Variants in LINGO2 observed in about 807,000 individuals in gnomAD.
The protein encoded by LINGO2 is leucine rich repeat and Ig domain containing 2, also known as leucine-rich repeat and immunoglobulin-like domain-containing nogo receptor-interacting protein 2.
In LINGO2, 14 loss-of-function variants were observed where a neutral mutation model predicts 30.6. The ratio of observed to expected loss-of-function variants is 0.46; its 90% confidence interval spans 0.30 to 0.72. The LOEUF (loss-of-function observed/expected upper bound fraction) is 0.72. Among genes scored for constraint, LINGO2 ranks in the 30% least tolerant of loss-of-function variants. The pLI is 0.07. For synonymous variants in LINGO2, 317 were observed against 288.5 expected, an observed-to-expected ratio of 1.10 and a Z score of -1.00; for missense variants, 729 against 751.7, an observed-to-expected ratio of 0.97 and a Z score of 0.35.
At chr9:28,910,025 ATTAACT>A in the LINGO2 span, among the ~76,000 whole-genome samples, 1 of 152,062 alleles carries the variant, frequency 6.6e-6, no homozygotes, top group East Asian at 1.9e-4. Flanking sequence ...AAAGCCAAAA[ATTAACT>A]TTAACAAGGC....
rs1827317656 is a variant in LINGO2, at chr9:28,129,178, T to C, written c.-86-116773A>G. Among the ~76,000 whole-genome samples the C allele has an allele frequency of 6.6e-6, 1 of 152,178 alleles. No individual in the cohort carries two copies. Among genetic ancestry groups the C allele is most frequent in the Non-Finnish European group, 1.5e-5 (1 of 68,032 alleles). On this transcript the variant is annotated intron_variant, in intron 4 of 5. Transcript: ENST00000379992. This position sits in a 1 kb window ranked among gnomAD's most constrained non-coding sequence, Gnocchi z 4.0. ...TGAGGCTTTGGGACTCGGGCTGATCTACCACTGGCTTCCTTGCTCCTCAGC... is the reference window on the plus strand; with the variant it reads ...TGAGGCTTTGGGACTCGGGCTGATCCACCACTGGCTTCCTTGCTCCTCAGC...
chr9:29,078,089 A>T, the LINGO2 span, among the ~76,000 whole-genome samples: 166 of 152,136 alleles, frequency 1.1e-3, no homozygotes, highest in African/African-American at 3.9e-3. Context: ...TTAACTGATG[A>T]TTATTAACAT....
At chr9:29,087,300 T>C in the LINGO2 span, among the ~76,000 whole-genome samples, 2 of 152,204 alleles carry the variant, frequency 1.3e-5, no homozygotes, top group South Asian at 4.1e-4. Context: ...GATGCTTATC[T>C]TGAAGGGTTA....
chr9:28,193,642 C>T (rs908459951), intron 4 of LINGO2, among the ~76,000 whole-genome samples: 2 of 152,172 alleles, frequency 1.3e-5, no homozygotes, highest in African/African-American at 4.8e-5. Context: ...TTTTGTTCTA[C>T]TTAGCGATTG....
intron 4 of LINGO2, among the ~76,000 whole-genome samples, chr9:28,241,118 C>T (rs933682490): frequency 6.6e-6 from 1 of 151,158 alleles, no homozygotes; most frequent in Admixed American, 6.6e-5. Flanking sequence ...AAAATACAAA[C>T]ATTAGCTGGG....
At chr9:28,702,502 A>T in the LINGO2 span, among the ~76,000 whole-genome samples, 1 of 151,868 alleles carries the variant, frequency 6.6e-6, no homozygotes, top group East Asian at 1.9e-4. Flanking sequence ...GTTCTGTTGT[A>T]TAATTCTTTT....
chr9:28,439,499 G>C (rs1206095115), intron 2 of LINGO2, among the ~76,000 whole-genome samples: 2 of 152,104 alleles, frequency 1.3e-5, no homozygotes, highest in Non-Finnish European at 2.9e-5. Context: ...TGTTGGAGGA[G>C]GGGGCTTGGT....
chr9:28,029,708 T>A (rs960288805), intron 4 of LINGO2, among the ~76,000 whole-genome samples: 4 of 152,242 alleles, frequency 2.6e-5, no homozygotes, highest in African/African-American at 9.6e-5. Flanking sequence ...TATGTGAAAA[T>A]TGTTAGCTCT....
At chr9:28,124,018 CTT>C (rs1008938901) in intron 4 of LINGO2, among the ~76,000 whole-genome samples, 67 of 152,200 alleles carry the variant, frequency 4.4e-4, no homozygotes, top group Admixed American at 3.3e-4. Context: ...TATCCTAGGA[CTT>C]TTTTCAGCCT....
chr9:28,488,746 G>T (rs117255648), intron 1 of LINGO2, among the ~76,000 whole-genome samples: 3,256 of 152,188 alleles, frequency 0.021, 104 homozygotes, highest in East Asian at 0.1. Context: ...TTCAATGAAA[G>T]ATTTTTCTAG....
chr9:29,174,531 A>G, the LINGO2 span, among the ~76,000 whole-genome samples: 147 of 152,358 alleles, frequency 9.6e-4, 4 homozygotes, highest in East Asian at 0.021. Flanking sequence ...AGAAATTTCA[A>G]TTGAAGACTT....
the LINGO2 span, among the ~76,000 whole-genome samples, chr9:29,113,836 G>C: frequency 4.3e-4 from 65 of 152,254 alleles, no homozygotes; most frequent in Admixed American, 1.2e-3. Context: ...AACTGGTCAA[G>C]AGCGAGGTGA....
rs548291945 is a variant in LINGO2, at chr9:28,507,878, A to C, written c.-364-31853T>G. 2.6e-5 allele frequency among the ~76,000 whole-genome samples: 4 copies of C among 152,160 alleles called. No individual in the cohort carries two copies. In the East Asian group the frequency reaches 7.7e-4, roughly 29 times the overall value. ...TAAGTAGGTTTTGATTTTTTTTCTA[A>C]AAATTTCACTTAGGTATTATATTTT... is the stretch of plus-strand genomic sequence containing the variant. On this transcript the variant is annotated intron_variant, in intron 1 of 5. Transcript: ENST00000379992.
At chr9:28,947,163 A>G in the LINGO2 span, among the ~76,000 whole-genome samples, 1 of 152,066 alleles carries the variant, frequency 6.6e-6, no homozygotes, top group Non-Finnish European at 1.5e-5. Flanking sequence ...CTATATCTAT[A>G]TATCTGTATC....
chr9:29,123,993 C>T, the LINGO2 span, among the ~76,000 whole-genome samples: 1 of 152,110 alleles, frequency 6.6e-6, no homozygotes, highest in African/African-American at 2.4e-5. Context: ...AGGCATCATT[C>T]TACCTGACTT....
chr9:27,997,246 G>A (rs576551144), intron 5 of LINGO2, among the ~76,000 whole-genome samples: 233 of 152,274 alleles, frequency 1.5e-3, no homozygotes, highest in African/African-American at 5.6e-3. Context: ...GTACCACCTG[G>A]CAGATGTGAA....
chr9:28,771,808 G>C, the LINGO2 span, among the ~76,000 whole-genome samples: 1 of 152,034 alleles, frequency 6.6e-6, no homozygotes, highest in Admixed American at 6.6e-5. Context: ...TTGATCTTTA[G>C]AATTCAGAAA....
intron 4 of LINGO2, among the ~76,000 whole-genome samples, chr9:28,074,352 C>A (rs1453865069): frequency 1.3e-5 from 2 of 152,066 alleles, no homozygotes; most frequent in African/African-American, 2.4e-5. Context: ...ATAATGACTT[C>A]TAGAATATGA....
chr9:28,394,719 A>G (rs1821972900), intron 2 of LINGO2, among the ~76,000 whole-genome samples: 1 of 152,024 alleles, frequency 6.6e-6, no homozygotes, highest in African/African-American at 2.4e-5. Context: ...TGTACTTAGA[A>G]CTCCTTGTTA....
Sources: gnomAD v4.1 joint callset for allele counts (sites outside exome capture counted in the v4.1 genomes callset) on GRCh38, gnomAD v4.1.1 for gene constraint, Gnocchi (gnomAD v3.1) non-coding constraint, MANE v1.5 for transcripts, NCBI Gene and HGNC (gene_info 2026-07-23, HGNC 2026-07-21) for gene names.